The following MYBL2 variants were observed in gnomAD, a reference collection of about 807,000 sequenced individuals.
The protein encoded by MYBL2 is myb-related protein B.
Under a neutral mutation model 79.9 loss-of-function variants are expected in MYBL2, and 28 were observed. The observed-to-expected ratio is 0.35, with a 90% CI of 0.26 to 0.48. The LOEUF (loss-of-function observed/expected upper bound fraction) is 0.48. MYBL2 is among the 20% of genes least tolerant of loss of function. MYBL2 has a pLI of 0.99. For missense variants in MYBL2, 735 were observed against 893.9 expected, an observed-to-expected ratio of 0.82 and a Z score of 2.27; for synonymous variants, 378 against 361.2, an observed-to-expected ratio of 1.05 and a Z score of -0.53.
intron 2 of MYBL2, among the ~76,000 whole-genome samples, chr20:43,678,812 G>T (rs1405555075): frequency 7.3e-6 from 1 of 137,474 alleles, no homozygotes; most frequent in South Asian, 2.3e-4. Context: ...AGCTGAGATC[G>T]CACCATTGCA....
chr20:43,710,571 C>T (rs1440312303), intron 10 of MYBL2, among the ~76,000 whole-genome samples: 9 of 152,136 alleles, frequency 5.9e-5, no homozygotes, highest in African/African-American at 2.2e-4. Context: ...GGAGTTGGCA[C>T]CTTGGGCTTT....
At chr20:43,672,722 G>A (rs1986896219) in intron 1 of MYBL2, among the ~76,000 whole-genome samples, 1 of 152,114 alleles carries the variant, frequency 6.6e-6, no homozygotes, top group Non-Finnish European at 1.5e-5. Flanking sequence ...ATTCCAGTCT[G>A]GGTAACAGAG....
rs1987867595 is a variant in MYBL2, at chr20:43,709,909, G to T, written c.1506-54G>T. 11 of 1,413,780 alleles carry T rather than the reference G, an allele frequency of 7.8e-6. No individual in the cohort carries two copies. In the South Asian group the frequency reaches 1.2e-4, roughly 15 times the overall value. 87.6% of individuals were successfully genotyped at this position (1,413,780 alleles called of 1,614,324 possible). A position where few individuals can be genotyped will look rare whatever the true frequency, so the allele number is the denominator to read the frequency against. On this transcript the variant is annotated intron_variant, in intron 9 of 13. Coordinates refer to ENST00000217026, the MANE Select transcript of MYBL2 (RefSeq NM_002466.4). The stretch of plus-strand genomic sequence containing the variant: ...GAAGGTGGAGCCAGGGCAGCAGAGT[G>T]CCTGGCGTCGGCCCCTATCCTGTCA...
intron 8 of MYBL2, among the ~76,000 whole-genome samples, chr20:43,704,522 C>G (rs1464460150): frequency 6.6e-6 from 1 of 152,166 alleles, no homozygotes; most frequent in Non-Finnish European, 1.5e-5. Context: ...CGTGGTCGCT[C>G]TACTCCAGAG....
chr20:43,692,798 G>A (rs1050879382), intron 6 of MYBL2, among the ~76,000 whole-genome samples: 6 of 152,116 alleles, frequency 3.9e-5, no homozygotes, highest in African/African-American at 1.4e-4. Flanking sequence ...ATTAAAAAAT[G>A]TATTGAGTTG....
intron 7 of MYBL2, among the ~76,000 whole-genome samples, chr20:43,701,535 G>A (rs534692616): frequency 6.6e-6 from 1 of 152,188 alleles, no homozygotes. Context: ...AGTGACTCAC[G>A]GGCTTGTTCT....
intron 9 of MYBL2, among the ~76,000 whole-genome samples, chr20:43,706,724 T>TTTTTG (rs1291151918): frequency 9.1e-5 from 10 of 110,240 alleles, no homozygotes; most frequent in African/African-American, 3.5e-4. Context: ...AAAAAGTTTT[T>TTTTTG]TTTTTTTTTG....
chr20:43,702,192 G>C (rs1020160141), intron 7 of MYBL2, among the ~76,000 whole-genome samples: 3 of 152,118 alleles, frequency 2.0e-5, no homozygotes. Context: ...CCAACTACTC[G>C]GGAGGCTGAG....
rs545061860 is a variant in MYBL2, at chr20:43,716,459, G to C, written c.*372G>C. ...CACCCTCTCTTGGTGCATTTTTTTG[G>C]AAGAATAAAATTGCCTCTCTCTTTG... is the stretch of plus-strand genomic sequence containing the variant. On this transcript the variant is annotated 3_prime_UTR_variant, in exon 14 of 14. Transcript: ENST00000217026. The C allele has an allele frequency of 2.2e-4, 53 of 240,750 alleles. No individual in the cohort carries two copies. The highest frequency in any genetic ancestry group is 3.8e-4 in the Non-Finnish European group (48 of 126,574). The allele number at this position is 240,750 out of a possible 1,614,324, so 14.9% of individuals were successfully genotyped here. A position where few individuals can be genotyped will look rare whatever the true frequency, so the allele number is the denominator to read the frequency against.
At position 43,699,837 on chromosome 20, in the gene MYBL2, C is replaced by T. The variant is rs1300984390; in HGVS notation, c.744C>T (p.Ala248=). ...EENSEEELAA[A]TTSKEQEPIG... ...ACAGTGAGGAGGAACTTGCAGCAGC[C>T]ACCACATCGAAGGAACAGGAGCCCA... is the stretch of plus-strand genomic sequence containing the variant. The change falls in exon 7 of 14, where the codon GCC becomes GCT. Residue 248 remains alanine (A), a synonymous_variant. Transcript: ENST00000217026. 4 of 1,614,170 alleles carry T rather than the reference C, an allele frequency of 2.5e-6. No homozygotes were observed. The highest frequency in any genetic ancestry group is 1.7e-5 in the Admixed American group (1 of 60,004).
rs1987095651 is a variant in MYBL2, at chr20:43,679,504, T to TCTACTTGTCTCTACTAAA, written c.115-2280_115-2279insCTACTTGTCTCTACTAAA. 1.6e-4 allele frequency among the ~76,000 whole-genome samples: 25 copies of TCTACTTGTCTCTACTAAA among 152,294 alleles called. No individual in the cohort carries two copies. The South Asian group carries it at 5.2e-3, about 32-fold the overall frequency. ...GGAAACGAGGCTGAGTGTGGTGGTT[T>TCTACTTGTCTCTACTAAA]ATGCCTGTAAACCGAGTACTGTGGG... On this transcript the variant is annotated intron_variant, in intron 2 of 13. Transcript: ENST00000217026.
At chr20:43,671,159 A>T (rs1171627745) in intron 1 of MYBL2, among the ~76,000 whole-genome samples, 3 of 144,354 alleles carry the variant, frequency 2.1e-5, no homozygotes, top group Non-Finnish European at 3.0e-5. Context: ...TTATTTATTT[A>T]TTTTTTTTGA....
At chr20:43,684,832 G>A (rs1165799745) in intron 4 of MYBL2, among the ~76,000 whole-genome samples, 12 of 56,150 alleles carry the variant, frequency 2.1e-4, no homozygotes, top group Non-Finnish European at 4.1e-4. Flanking sequence ...GTGAGACCCT[G>A]TCTCTTAAAA....
chr20:43,713,160 G>A (rs1310852969), intron 12 of MYBL2, 54 bp downstream of exon 12: 37 of 1,344,212 alleles, frequency 2.8e-5, no homozygotes, highest in Non-Finnish European at 3.5e-5. Flanking sequence ...CCTCAAGGTG[G>A]AGTTAGTGTA....
chr20:43,685,544 G>A (rs555118516), intron 4 of MYBL2, among the ~76,000 whole-genome samples: 1 of 152,044 alleles, frequency 6.6e-6, no homozygotes, highest in African/African-American at 2.4e-5. Context: ...GGCTGGGTGT[G>A]GCCAGGAATT....
chr20:43,705,449 G>A, intron 9 of MYBL2, 91 bp downstream of exon 9: 5 of 1,413,444 alleles, frequency 3.5e-6, no homozygotes, highest in Non-Finnish European at 4.7e-6. Flanking sequence ...ACAGTGGGGA[G>A]GGGGCACCCT....
chr20:43,715,715 G>C (rs956410759), intron 13 of MYBL2, among the ~76,000 whole-genome samples: 4 of 152,186 alleles, frequency 2.6e-5, no homozygotes, highest in Middle Eastern at 3.2e-3. Context: ...CTCGAGGCTG[G>C]TGCTGCACGG....
At chr20:43,671,197 G>A (rs185627679) in intron 1 of MYBL2, among the ~76,000 whole-genome samples, 26 of 151,840 alleles carry the variant, frequency 1.7e-4, no homozygotes, top group Admixed American at 8.5e-4. Flanking sequence ...CGCCCAGGCT[G>A]GAGTGCAGTG....
At chr20:43,675,993 C>T (rs1987001759) in intron 2 of MYBL2, among the ~76,000 whole-genome samples, 1 of 150,898 alleles carries the variant, frequency 6.6e-6, no homozygotes. Flanking sequence ...CAACCTCTGC[C>T]TCCTGGGTTC....
Sources: gnomAD v4.1 joint callset for allele counts (sites outside exome capture counted in the v4.1 genomes callset) on GRCh38, gnomAD v4.1.1 for gene constraint, MANE v1.5 for transcripts, NCBI Gene and HGNC (gene_info 2026-07-23, HGNC 2026-07-21) for gene names.